The following STK26 variants were observed in gnomAD, a reference collection of about 807,000 sequenced individuals.
STK26 encodes serine/threonine kinase 26, also known as serine/threonine-protein kinase 26.
Under a neutral mutation model 34.7 loss-of-function variants are expected in STK26, and 14 were observed. That is an observed-to-expected ratio of 0.40 (90% CI 0.27 to 0.63). STK26 has a LOEUF of 0.63. Ranked by LOEUF, STK26 falls within the 30% of genes least tolerant of loss-of-function variation. The pLI, the probability that STK26 is intolerant of heterozygous loss-of-function variation, is 0.38. For missense variants in STK26, 226 were observed against 309.1 expected (o/e 0.73, Z 2.02); for synonymous variants, 100 against 109.8 (o/e 0.91, Z 0.56).
chrX:132,046,811 A>G (rs1926512990), intron 2 of STK26, among the ~76,000 whole-genome samples: 1 of 112,005 alleles, frequency 8.9e-6, no homozygotes, highest in Non-Finnish European at 1.9e-5. Context: ...GGGTTGATGT[A>G]ATGACATATC....
intron 2 of STK26, among the ~76,000 whole-genome samples, chrX:132,047,068 C>A (rs1391196960): frequency 1.8e-5 from 2 of 111,988 alleles, no homozygotes; most frequent in Non-Finnish European, 3.8e-5. Context: ...AAGCCAAATT[C>A]TTCATGTTTA....
At chrX:132,046,710 C>T (rs748190717) in intron 2 of STK26, among the ~76,000 whole-genome samples, 4 of 111,333 alleles carry the variant, frequency 3.6e-5, no homozygotes, top group Non-Finnish European at 7.5e-5. Context: ...TTGCCTCATT[C>T]GTCTCAAAAC....
intron 3 of STK26, among the ~76,000 whole-genome samples, chrX:132,057,427 T>A (rs1217949131): frequency 1.8e-5 from 2 of 111,542 alleles, no homozygotes; most frequent in African/African-American, 3.3e-5. Context: ...GGTATGCTGA[T>A]CTCCTCAGTG....
intron 4 of STK26, among the ~76,000 whole-genome samples, chrX:132,066,089 A>C (rs1457073262): frequency 4.5e-5 from 5 of 111,880 alleles, no homozygotes; most frequent in Non-Finnish European, 9.4e-5. Context: ...GAATAACATA[A>C]GATTACAACT....
At chrX:132,031,755 T>C (rs991100426) in intron 2 of STK26, among the ~76,000 whole-genome samples, 1 of 112,399 alleles carries the variant, frequency 8.9e-6, no homozygotes, top group Non-Finnish European at 1.9e-5. Context: ...AAGTGTTAGA[T>C]GGCAGGAACC....
At chrX:132,037,769 C>CTTTTT (rs755403402) in intron 2 of STK26, among the ~76,000 whole-genome samples, 2,946 of 51,707 alleles carry the variant, frequency 0.057, 158 homozygotes, top group Non-Finnish European at 0.076. Flanking sequence ...CGGAGAGCTG[C>CTTTTT]TTTTTTTTTT....
rs768844984 is a variant in STK26, at chrX:132,068,405, C to A, written c.440-7C>A. ...GTTTTTTTTTGCTTTTCTTTTTTTC[C>A]TCCTAGCTGCCAATGTCTTGCTCTC... is the stretch of plus-strand genomic sequence containing the variant. On this transcript the variant is annotated splice_region_variant and splice_polypyrimidine_tract_variant and intron_variant, in intron 5 of 11. Transcript: ENST00000394334. The A allele has an allele frequency of 8.3e-7, 1 of 1,200,352 alleles. No individual in the cohort carries two copies. The highest frequency in any genetic ancestry group is 1.8e-5 in the African/African-American group (1 of 56,422).
intron 8 of STK26, among the ~76,000 whole-genome samples, chrX:132,071,854 A>G (rs971187846): frequency 1.8e-5 from 2 of 112,007 alleles, no homozygotes; most frequent in African/African-American, 6.5e-5. Context: ...AGATTCTTCC[A>G]TTTATGAGAA....
intron 5 of STK26, 36 bp from the exon 6 acceptor site, chrX:132,068,376 C>G (rs1927290757): frequency 8.3e-7 from 1 of 1,199,285 alleles, no homozygotes; most frequent in Admixed American, 2.3e-5. Context: ...TCTGAGCAAG[C>G]TGAGTTTTTT....
chrX:132,042,860 A>C (rs765399615), intron 2 of STK26, among the ~76,000 whole-genome samples: 320 of 111,611 alleles, frequency 2.9e-3, no homozygotes, highest in African/African-American at 0.01. Context: ...CCCAAGAGAT[A>C]ATTTTCCCTA....
chrX:132,055,015 T>C (rs773384106), intron 3 of STK26, among the ~76,000 whole-genome samples, 154 bp downstream of exon 3: 2 of 112,402 alleles, frequency 1.8e-5, no homozygotes, highest in South Asian at 7.3e-4. Context: ...AATAAACCGT[T>C]GTTAGATTTA....
At chrX:132,038,681 G>A (rs1023746265) in intron 2 of STK26, among the ~76,000 whole-genome samples, 3 of 110,871 alleles carry the variant, frequency 2.7e-5, no homozygotes, top group East Asian at 2.8e-4. Flanking sequence ...TGTGGGGAGC[G>A]GGGGGCTAAA....
At chrX:132,052,924 A>G (rs1378709824) in intron 2 of STK26, among the ~76,000 whole-genome samples, 1 of 111,896 alleles carries the variant, frequency 8.9e-6, no homozygotes, top group Non-Finnish European at 1.9e-5. Context: ...TGTAGTAAGT[A>G]TTTTTTCCAC....
intron 3 of STK26, among the ~76,000 whole-genome samples, chrX:132,061,733 C>A (rs1482524369): frequency 8.9e-6 from 1 of 111,766 alleles, no homozygotes; most frequent in African/African-American, 3.3e-5. Context: ...ATTCTTCAAC[C>A]CTCTCCCATC....
intron 4 of STK26, among the ~76,000 whole-genome samples, chrX:132,063,752 G>A (rs1006677367): frequency 3.6e-5 from 4 of 112,207 alleles, no homozygotes; most frequent in African/African-American, 1.3e-4. Context: ...AGAAGGGGAT[G>A]TGTGTATCCA....
chrX:132,042,337 G>A (rs1449828571), intron 2 of STK26, among the ~76,000 whole-genome samples: 1 of 111,026 alleles, frequency 9.0e-6, no homozygotes, highest in Non-Finnish European at 1.9e-5. Context: ...CCTATGCAAA[G>A]GAAAGGGAAT....
chrX:132,024,015 T>G (rs1337099438), intron 2 of STK26, among the ~76,000 whole-genome samples: 2 of 110,466 alleles, frequency 1.8e-5, no homozygotes, highest in African/African-American at 3.3e-5. Context: ...GCCTTGGAAT[T>G]TGTGGGGTAT....
chrX:132,031,537 T>C (rs1332968576), intron 2 of STK26, among the ~76,000 whole-genome samples: 1 of 112,291 alleles, frequency 8.9e-6, no homozygotes, highest in Non-Finnish European at 1.9e-5. Context: ...TGTTTTCTCA[T>C]ATGAGTGAGA....
chrX:132,027,992 A>G (rs1470554005), intron 2 of STK26, among the ~76,000 whole-genome samples: 1 of 106,687 alleles, frequency 9.4e-6, no homozygotes, highest in Non-Finnish European at 1.9e-5. Flanking sequence ...AGCAGCTAGA[A>G]CTACAGGTGC....
Sources: gnomAD v4.1 joint callset for allele counts (sites outside exome capture counted in the v4.1 genomes callset) on GRCh38, gnomAD v4.1.1 for gene constraint, MANE v1.5 for transcripts, NCBI Gene and HGNC (gene_info 2026-07-23, HGNC 2026-07-21) for gene names.